Variants in CRIM1 observed in about 807,000 individuals in gnomAD.
The protein encoded by CRIM1 is cysteine rich transmembrane BMP regulator 1.
In CRIM1, 32 loss-of-function variants were observed where a neutral mutation model predicts 116.4. The observed-to-expected ratio is 0.27, with a 90% confidence interval of 0.21 to 0.37. CRIM1 has a LOEUF of 0.37. CRIM1 is among the 10% of genes least tolerant of loss of function. The pLI is 1.00. For missense variants in CRIM1, 1,331 were observed against 1,354.8 expected (o/e 0.98, Z 0.28); for synonymous variants, 590 against 509.2 (o/e 1.16, Z -2.13).
intron 13 of CRIM1, among the ~76,000 whole-genome samples, chr2:36,526,930 C>A (rs1052461414): frequency 6.6e-6 from 1 of 152,124 alleles, no homozygotes; most frequent in Non-Finnish European, 1.5e-5. Context: ...TCAGGACTGA[C>A]GTTGAATAAA....
chr2:36,415,193 G>C lies in CRIM1; in HGVS notation c.505+18406G>C, dbSNP rs529254861. 3.3e-5 allele frequency among the ~76,000 whole-genome samples: 5 copies of C among 152,246 alleles called. No individual in the cohort carries two copies. The South Asian group carries it at 1.0e-3, about 32-fold the overall frequency. On this transcript the variant is annotated intron_variant, in intron 2 of 16. Coordinates refer to ENST00000280527, the MANE Select transcript of CRIM1 (RefSeq NM_016441.3). ...GAGTGACCCCAGGGTTCTGGCTTGA[G>C]CAGTTGGTACCATTTCCTAAGATGG...
rs776859852 is a variant in CRIM1, at chr2:36,356,553, G to A, written c.261G>A (p.Gly87=). 17 of 1,612,526 alleles carry A rather than the reference G, an allele frequency of 1.1e-5. No homozygotes were observed. The highest frequency in any genetic ancestry group is 1.4e-5 in the Non-Finnish European group (16 of 1,179,868). Reference sequence around the variant, plus strand: ...GGATTTACGGAACCTGCGACCGGGGGCTGCGTTGTGTCATCCGCCCCCCGC... The same window carrying A: ...GGATTTACGGAACCTGCGACCGGGGACTGCGTTGTGTCATCCGCCCCCCGC... ...TFGIYGTCDR[G]LRCVIRPPLN... is the part of the protein sequence containing the mutation. The change falls in exon 1 of 17, where the codon GGG becomes GGA. Residue 87 remains glycine (G), a synonymous_variant. Coordinates refer to ENST00000280527, the MANE Select transcript of CRIM1 (RefSeq NM_016441.3). This position sits in a 1 kb window ranked among gnomAD's most constrained non-coding sequence, Gnocchi z 4.3.
At chr2:36,543,753 TGTA>T (rs931369569) in intron 14 of CRIM1, among the ~76,000 whole-genome samples, 27 of 148,906 alleles carry the variant, frequency 1.8e-4, no homozygotes, top group African/African-American at 7.0e-4. Context: ...TGTTTTATGT[TGTA>T]GTATAATACC....
chr2:36,534,551 GGGA>G (rs1281034086), intron 13 of CRIM1, among the ~76,000 whole-genome samples: 1 of 138,756 alleles, frequency 7.2e-6, no homozygotes, highest in Admixed American at 7.0e-5. Flanking sequence ...AAGGGAGAGA[GGGA>G]GGGACAGGAA....
chr2:36,406,852 T>C (rs147464306), intron 2 of CRIM1, among the ~76,000 whole-genome samples: 58 of 152,346 alleles, frequency 3.8e-4, no homozygotes, highest in African/African-American at 1.4e-3. Context: ...TGCTTGTGAA[T>C]GTGTTGCTTT....
chr2:36,543,835 G>A (rs1022071645), intron 14 of CRIM1, among the ~76,000 whole-genome samples: 1 of 152,004 alleles, frequency 6.6e-6, no homozygotes, highest in Non-Finnish European at 1.5e-5. Context: ...TGGTTCCAGT[G>A]GTAACATAAT....
At chr2:36,521,780 C>G (rs1208532081) in intron 12 of CRIM1, among the ~76,000 whole-genome samples, 1 of 152,192 alleles carries the variant, frequency 6.6e-6, no homozygotes, top group Non-Finnish European at 1.5e-5. Context: ...CAGAATTGTC[C>G]CATTTACTTA....
intron 12 of CRIM1, among the ~76,000 whole-genome samples, chr2:36,520,651 T>G (rs1018416974): frequency 1.3e-5 from 2 of 152,274 alleles, no homozygotes; most frequent in Admixed American, 6.5e-5. Flanking sequence ...ATACAGTTAC[T>G]CAGTTTAAAG....
intron 2 of CRIM1, among the ~76,000 whole-genome samples, chr2:36,437,616 A>G (rs2124924006): frequency 6.6e-6 from 1 of 152,340 alleles, no homozygotes; most frequent in Admixed American, 6.5e-5. Context: ...TGAAAAGTTG[A>G]AAAGCATTTA....
chr2:36,432,977 C>G (rs933377567), intron 2 of CRIM1, among the ~76,000 whole-genome samples: 1 of 152,112 alleles, frequency 6.6e-6, no homozygotes, highest in African/African-American at 2.4e-5. Context: ...AGAATCACCT[C>G]TAGGGTTTGT....
chr2:36,405,111 G>C (rs536766598), intron 2 of CRIM1, among the ~76,000 whole-genome samples: 1 of 152,188 alleles, frequency 6.6e-6, no homozygotes, highest in South Asian at 2.1e-4. Flanking sequence ...CAAATCTTTA[G>C]TATTTAGAAA....
chr2:36,425,391 G>A lies in CRIM1; in HGVS notation c.506-15867G>A, dbSNP rs577078424. On this transcript the variant is annotated intron_variant, in intron 2 of 16. Coordinates refer to ENST00000280527, the MANE Select transcript of CRIM1 (RefSeq NM_016441.3). ...TTTCATGTTAAAACTATTTCACTAG[G>A]AGTACTGGTACAGGTCGGTGTTAGA... is the stretch of plus-strand genomic sequence containing the variant. Among the ~76,000 whole-genome samples the A allele has an allele frequency of 2.0e-5, 3 of 152,232 alleles. No individual in the cohort carries two copies. In the South Asian group the frequency reaches 6.2e-4, roughly 32 times the overall value.
At chr2:36,359,295 T>C (rs975841928) in intron 1 of CRIM1, among the ~76,000 whole-genome samples, 4 of 152,254 alleles carry the variant, frequency 2.6e-5, no homozygotes, top group Non-Finnish European at 4.4e-5. Context: ...TTGCATGTTA[T>C]AGAAATATTA....
At chr2:36,457,228 A>C (rs1002758582) in intron 4 of CRIM1, among the ~76,000 whole-genome samples, 3 of 152,022 alleles carry the variant, frequency 2.0e-5, no homozygotes, top group Non-Finnish European at 1.5e-5. Context: ...GTGATTTGTG[A>C]GATTTTGGGG....
chr2:36,534,544 G>T, intron 13 of CRIM1, among the ~76,000 whole-genome samples: 1 of 136,262 alleles, frequency 7.3e-6, no homozygotes, highest in South Asian at 2.5e-4. Context: ...AGGAAGGAAG[G>T]GAGAGAGGGA....
chr2:36,441,163 G>C, intron 2 of CRIM1, 95 bp from the exon 3 acceptor site: 8 of 1,508,036 alleles, frequency 5.3e-6, no homozygotes, highest in Non-Finnish European at 6.3e-6. Flanking sequence ...CGTCCTCTTT[G>C]GCTACTTAAA....
intron 2 of CRIM1, among the ~76,000 whole-genome samples, chr2:36,407,314 T>C (rs1048672445): frequency 6.6e-6 from 1 of 152,218 alleles, no homozygotes; most frequent in Admixed American, 6.5e-5. Context: ...TACAAGTACA[T>C]GTGTTTCATT....
intron 1 of CRIM1, among the ~76,000 whole-genome samples, chr2:36,361,691 G>C (rs1443508286): frequency 6.6e-6 from 1 of 152,118 alleles, no homozygotes; most frequent in East Asian, 1.9e-4. Flanking sequence ...ACATCTCCCA[G>C]GCTATGGTGC....
At chr2:36,402,880 T>G (rs966056071) in intron 2 of CRIM1, among the ~76,000 whole-genome samples, 1 of 152,032 alleles carries the variant, frequency 6.6e-6, no homozygotes, top group Non-Finnish European at 1.5e-5. Context: ...CCCAGGAGTT[T>G]TGGGCAAATT....
Sources: gnomAD v4.1 joint callset for allele counts (sites outside exome capture counted in the v4.1 genomes callset) on GRCh38, gnomAD v4.1.1 for gene constraint, Gnocchi (gnomAD v3.1) non-coding constraint, MANE v1.5 for transcripts, NCBI Gene and HGNC (gene_info 2026-07-23, HGNC 2026-07-21) for gene names.